Variants in CSMD1 observed in about 807,000 individuals in gnomAD.
CSMD1 encodes the protein CUB and Sushi multiple domains 1.
A neutral mutation model predicts 417.5 loss-of-function variants in CSMD1; 213 were observed. That is an observed-to-expected ratio of 0.51 (90% confidence interval 0.46 to 0.57). The LOEUF (loss-of-function observed/expected upper bound fraction) is 0.57, where lower values mean the gene tolerates loss of function less well. CSMD1 is among the 20% of genes least tolerant of loss of function. The probability of loss-of-function intolerance (pLI) is 0.00; values close to 1 mark genes in which losing one functional copy is unlikely to be tolerated. For missense variants in CSMD1, 6,923 were observed against 4,529.7 expected (o/e 1.53, Z -15.17); for synonymous variants, 2,862 against 1,736.8 (o/e 1.65, Z -16.11).
At chr8:3,503,152 A>G (rs1461375056) in intron 10 of CSMD1, among the ~76,000 whole-genome samples, 1 of 152,222 alleles carries the variant, frequency 6.6e-6, no homozygotes, top group Admixed American at 6.5e-5. Flanking sequence ...AATTACAAAG[A>G]CTGAATTTCA....
In CSMD1 at chr8:4,480,020, C is replaced by G. The variant is rs1585143680; in HGVS notation, c.303-59955G>C. On this transcript the variant is annotated intron_variant, in intron 2 of 69. Transcript: ENST00000635120. The stretch of plus-strand genomic sequence containing the variant: ...AAAAAAGCAAACTGGATAAAGCAAA[C>G]ATACTTATCCTATCATTCTCCCTGG... Among the ~76,000 whole-genome samples the G allele has an allele frequency of 2.0e-5, 3 of 150,192 alleles. No homozygotes were observed. In the East Asian group the frequency reaches 5.9e-4, roughly 29 times the overall value.
intron 1 of CSMD1, among the ~76,000 whole-genome samples, chr8:4,718,881 T>C (rs2116898638): frequency 6.6e-6 from 1 of 152,162 alleles, no homozygotes; most frequent in East Asian, 1.9e-4. Context: ...TGAATGAAAA[T>C]ACGTATCTTT....
intron 23 of CSMD1, among the ~76,000 whole-genome samples, chr8:3,312,749 C>A (rs368864233): frequency 2.0e-5 from 3 of 152,120 alleles, no homozygotes; most frequent in African/African-American, 7.2e-5. Context: ...CTGCCTCCAC[C>A]GTTAAACTGT....
At chr8:4,665,873 G>T (rs967668839) in intron 1 of CSMD1, among the ~76,000 whole-genome samples, 1 of 152,118 alleles carries the variant, frequency 6.6e-6, no homozygotes, top group Non-Finnish European at 1.5e-5. Flanking sequence ...TAATTACCTA[G>T]GAAGACCTTG....
Position 3,708,445 on chromosome 8 carries a change from G to A in CSMD1, c.978C>T (p.Pro326=), listed in dbSNP as rs769213926. Reference sequence around the variant, plus strand: ...AGTTTTTATGGCTTCCATCCTTGCTGGGCAGCATCTTGACTCCTCTTGACT... The same window carrying A: ...AGTTTTTATGGCTTCCATCCTTGCTAGGCAGCATCTTGACTCCTCTTGACT... ...ELKSRGVKML[P]SKDGSHKNSV... Residue 326 remains proline, a synonymous_variant, in exon 7 of 70, where the codon CCC becomes CCT. Coordinates refer to ENST00000635120, the MANE Select transcript of CSMD1 (RefSeq NM_033225.6). The A allele has an allele frequency of 6.2e-7, 1 of 1,613,890 alleles. No individual in the cohort carries two copies. The highest frequency in any genetic ancestry group is 1.7e-5 in the Admixed American group (1 of 60,012).
In CSMD1 at chr8:4,644,837, G is replaced by C. The variant is rs528439814; in HGVS notation, c.86-7279C>G. 6.7e-4 allele frequency among the ~76,000 whole-genome samples: 102 copies of C among 152,348 alleles called. 2 individuals carry two copies. Among genetic ancestry groups the C allele is most frequent in the Non-Finnish European group, 1.2e-3 (83 of 68,028 alleles). ...CAAGAGTGAAGATAATGATTGGCTTGTTTATATGCCCATTTCTAGAATAGT... is the reference window on the plus strand; with the variant it reads ...CAAGAGTGAAGATAATGATTGGCTTCTTTATATGCCCATTTCTAGAATAGT... On this transcript the variant is annotated intron_variant, in intron 1 of 69. Coordinates refer to ENST00000635120, the MANE Select transcript of CSMD1 (RefSeq NM_033225.6).
At chr8:4,946,542 T>A (rs771376129) in intron 1 of CSMD1, among the ~76,000 whole-genome samples, 2 of 152,182 alleles carry the variant, frequency 1.3e-5, no homozygotes, top group African/African-American at 4.8e-5. Flanking sequence ...GCCTGAAGCA[T>A]GTCCTTATGA....
At chr8:4,567,723 T>C (rs1411947124) in intron 2 of CSMD1, among the ~76,000 whole-genome samples, 1 of 152,180 alleles carries the variant, frequency 6.6e-6, no homozygotes, top group Non-Finnish European at 1.5e-5. Flanking sequence ...CCAATGTTAC[T>C]TACTGATATA....
intron 3 of CSMD1, among the ~76,000 whole-genome samples, chr8:4,387,592 A>AAAAAAAAAAAAAAAAAT (rs1803542375): frequency 1.3e-5 from 2 of 148,704 alleles, no homozygotes; most frequent in Non-Finnish European, 3.0e-5. Context: ...AAAAAAAAAA[A>AAAAAAAAAAAAAAAAAT]GAGTTGAATG....
At chr8:3,774,822 C>G (rs1422177627) in intron 5 of CSMD1, among the ~76,000 whole-genome samples, 1 of 152,158 alleles carries the variant, frequency 6.6e-6, no homozygotes, top group Non-Finnish European at 1.5e-5. Context: ...CCCCGTCATT[C>G]TCAAGGGATA....
At chr8:3,183,424 A>T (rs1458476979) in intron 36 of CSMD1, among the ~76,000 whole-genome samples, 2 of 142,612 alleles carry the variant, frequency 1.4e-5, no homozygotes, top group African/African-American at 5.2e-5. Flanking sequence ...TCCCTGAAAC[A>T]TCGAGTAGGT....
At chr8:4,047,253 G>T (rs1187496211) in intron 3 of CSMD1, among the ~76,000 whole-genome samples, 1 of 152,100 alleles carries the variant, frequency 6.6e-6, no homozygotes, top group Non-Finnish European at 1.5e-5. Flanking sequence ...CATCTAAGTG[G>T]TAGGCACATG....
At chr8:3,538,493 C>G (rs551971962) in intron 10 of CSMD1, among the ~76,000 whole-genome samples, 3 of 152,290 alleles carry the variant, frequency 2.0e-5, no homozygotes, top group South Asian at 4.1e-4. Flanking sequence ...AGATGCCTCA[C>G]CTGCGATGCC....
intron 10 of CSMD1, among the ~76,000 whole-genome samples, chr8:3,510,253 G>A (rs1279051420): frequency 1.3e-5 from 2 of 151,778 alleles, no homozygotes; most frequent in African/African-American, 4.9e-5. Context: ...CTTCTGCGCC[G>A]CGTCCCTTGC....
chr8:3,359,305 G>A lies in CSMD1; in HGVS notation c.3151C>T (p.Pro1051Ser). The A allele has an allele frequency of 6.2e-7, 1 of 1,613,688 alleles. No individual in the cohort carries two copies. Among genetic ancestry groups the A allele is most frequent in the Non-Finnish European group, 8.5e-7 (1 of 1,179,822 alleles). ...DLEPCDDPGV[P>S]AFSRRIGFHF... ...AAACCAATTCTTCGGCTGAAGGCAG[G>A]GACTCCAGGATCATCACATGGCTCC... is the stretch of plus-strand genomic sequence containing the variant. The change falls in exon 21 of 70, where the codon CCT becomes TCT. Residue 1051 changes from proline (P) to serine (S), a missense_variant. Physicochemically the swap from Pro to Ser is moderately conservative, Grantham distance 74. Coordinates refer to ENST00000635120, the MANE Select transcript of CSMD1 (RefSeq NM_033225.6).
At chr8:3,639,607 T>G (rs1003770425) in intron 7 of CSMD1, among the ~76,000 whole-genome samples, 1 of 152,216 alleles carries the variant, frequency 6.6e-6, no homozygotes. Flanking sequence ...AATCTTAAAA[T>G]CAATTAATGA....
intron 3 of CSMD1, among the ~76,000 whole-genome samples, chr8:4,194,026 G>A (rs1799191454): frequency 6.6e-6 from 1 of 151,940 alleles, no homozygotes; most frequent in African/African-American, 2.4e-5. Context: ...GATATTTAAG[G>A]CATGATATTA....
chr8:3,742,776 A>C lies in CSMD1; in HGVS notation c.931+11154T>G, dbSNP rs572968114. Among the ~76,000 whole-genome samples, 21 of 152,180 alleles carry C rather than the reference A, an allele frequency of 1.4e-4. 1 individual carries two copies. Among genetic ancestry groups the C allele is most frequent in the Admixed American group, 1.2e-3 (19 of 15,272 alleles). On this transcript the variant is annotated intron_variant, in intron 6 of 69. Coordinates refer to ENST00000635120, the MANE Select transcript of CSMD1 (RefSeq NM_033225.6). The stretch of plus-strand genomic sequence containing the variant: ...AAACAAAACGAAACGAAACAAAAAC[A>C]CCAACAACAGCAACAACAAAAAACA...
chr8:3,243,942 G>C (rs1446729493), intron 26 of CSMD1, among the ~76,000 whole-genome samples: 2 of 152,090 alleles, frequency 1.3e-5, no homozygotes, highest in African/African-American at 2.4e-5. Flanking sequence ...AATTTTATTT[G>C]TTGACCGAGG....
Sources: allele counts gnomAD v4.1 joint callset (sites outside exome capture counted in the v4.1 genomes callset), GRCh38; gene constraint gnomAD v4.1.1; transcripts MANE v1.5; gene names NCBI Gene and HGNC (gene_info 2026-07-23, HGNC 2026-07-21).